The following CD9 variants were observed in gnomAD, a reference collection of about 807,000 sequenced individuals.
CD9 encodes the protein CD9 molecule.
CD9 carries 10 observed loss-of-function variants against 31.4 expected under a neutral mutation model. The observed-to-expected ratio is 0.32, with a 90% CI of 0.20 to 0.54. The LOEUF is 0.54. Among genes scored for constraint, CD9 ranks in the 20% least tolerant of loss-of-function variants. CD9 has a pLI of 0.94. For synonymous variants in CD9, 113 were observed against 114.1 expected (o/e 0.99, Z 0.06); for missense variants, 259 against 300.1 (o/e 0.86, Z 1.01).
rs181724151 is a variant in CD9 at position 6,232,296 on chromosome 12, G to A, written c.176-336G>A. ...TTCATCTTGCTGGAAAGAGCTGACA[G>A]ACTGGACCAGTTTGCATTCCGAATG... On this transcript the variant is annotated intron_variant, in intron 2 of 7. Coordinates refer to ENST00000009180, the MANE Select transcript of CD9 (RefSeq NM_001769.4). The surrounding 1 kb of genome is among the most constrained non-coding windows in gnomAD (Gnocchi z 4.8). The A allele has an allele frequency of 1.8e-4, 73 of 396,650 alleles. No individual in the cohort carries two copies. Among genetic ancestry groups the A allele is most frequent in the African/African-American group, 1.4e-3 (70 of 48,482 alleles). 24.6% of individuals were successfully genotyped at this position (396,650 alleles called of 1,614,324 possible). A position where few individuals can be genotyped will look rare whatever the true frequency, so the allele number is the denominator to read the frequency against.
At chr12:6,235,152 A>G (rs1203096525) in intron 4 of CD9, 77 bp from the exon 5 acceptor site, 6 of 1,058,508 alleles carry the variant, frequency 5.7e-6, no homozygotes, top group Non-Finnish European at 7.2e-6. Context: ...AGAGAACAAG[A>G]TGGAACGCAT....
At position 6,235,503 on chromosome 12, in the gene CD9, G is replaced by T; in HGVS notation, c.475G>T (p.Val159Leu). Residue 159 changes from valine (V) to leucine (L), a missense_variant, in exon 6 of 8, where the codon GTG (valine) becomes TTG (leucine). Coordinates refer to ENST00000009180, the MANE Select transcript of CD9 (RefSeq NM_001769.4). ...GAACTGCTGTGGTTTGGCTGGGGGCGTGGAACAGTTTATCTCAGACATCTG... is the reference window on the plus strand; with the variant it reads ...GAACTGCTGTGGTTTGGCTGGGGGCTTGGAACAGTTTATCTCAGACATCTG... ...ALNCCGLAGG[V>L]EQFISDICPK... is the part of the protein sequence containing the mutation. The T allele has an allele frequency of 6.2e-7, 1 of 1,614,006 alleles. No homozygotes were observed. Among genetic ancestry groups the T allele is most frequent in the South Asian group, 1.1e-5 (1 of 91,082 alleles).
At position 6,236,221 on chromosome 12, in the gene CD9, C is replaced by T. The variant is rs767046868; in HGVS notation, c.567C>T (p.Phe189=). Residue 189 remains phenylalanine (F), a synonymous_variant, in exon 7 of 8, where the codon TTC becomes TTT. Coordinates refer to ENST00000009180, the MANE Select transcript of CD9 (RefSeq NM_001769.4). The stretch of plus-strand genomic sequence containing the variant: ...GTCCTGATGCCATCAAAGAGGTCTT[C>T]GACAATAAATTCCACATCATCGGCG... ...KSCPDAIKEV[F]DNKFHIIGAV... 11 of 1,614,060 alleles carry T rather than the reference C, an allele frequency of 6.8e-6. No homozygotes were observed. The highest frequency in any genetic ancestry group is 6.7e-5 in the African/African-American group (5 of 74,932).
intron 7 of CD9, chr12:6,236,507 A>G (rs549517010): frequency 7.2e-5 from 41 of 570,006 alleles, no homozygotes; most frequent in Admixed American, 3.9e-4. Flanking sequence ...GCTTCTAAAG[A>G]GTCGACTCTC....
rs368681680 is a variant in CD9 at position 6,200,462 on chromosome 12, C to G, written c.-38C>G. ...GTCCCAGCTGCGCGCGCCCCCCAGT[C>G]CCGCACCCGTTCGGCCCAGGCTAAG... On this transcript the variant is annotated 5_prime_UTR_variant, in exon 1 of 8. Transcript: ENST00000009180. 45 of 1,505,394 alleles carry G rather than the reference C, an allele frequency of 3.0e-5. No homozygotes were observed. The African/African-American group carries it at 5.9e-4, about 20-fold the overall frequency. The allele number at this position is 1,505,394 out of a possible 1,614,324, so 93.3% of individuals were successfully genotyped here. A position where few individuals can be genotyped will look rare whatever the true frequency, so the allele number is the denominator to read the frequency against.
intron 1 of CD9, among the ~76,000 whole-genome samples, chr12:6,224,745 C>A (rs1946340471): frequency 6.6e-6 from 1 of 152,132 alleles, no homozygotes; most frequent in African/African-American, 2.4e-5. Context: ...TGGCAGGAGG[C>A]CTCCTGCACA....
Position 6,232,991 on chromosome 12 carries a change from T to TC in CD9, c.273+265dup. 1.4e-6 allele frequency: 1 copy of TC among 702,438 alleles called. No homozygotes were observed. The highest frequency in any genetic ancestry group is 2.7e-5 in the East Asian group (1 of 37,292). 43.5% of individuals were successfully genotyped at this position (702,438 alleles called of 1,614,324 possible). ...TCTCGAGGACCACGTTTGCTTTTTT[T>TC]CCCTGAATCCACAGGTACCTTTGCC... On this transcript the variant is annotated intron_variant, in intron 3 of 7. Coordinates refer to ENST00000009180, the MANE Select transcript of CD9 (RefSeq NM_001769.4). The surrounding 1 kb of genome is among the most constrained non-coding windows in gnomAD (Gnocchi z 4.8).
intron 1 of CD9, 107 bp from the exon 2 acceptor site, chr12:6,225,319 G>T: frequency 1.3e-6 from 1 of 747,954 alleles, no homozygotes; most frequent in South Asian, 1.5e-5. Context: ...GAGGGGCAGA[G>T]ACCAAGGGTG....
chr12:6,207,650 A>G (rs1266301700), intron 1 of CD9, among the ~76,000 whole-genome samples: 1 of 152,186 alleles, frequency 6.6e-6, no homozygotes, highest in Non-Finnish European at 1.5e-5. Context: ...GAGGACTTGC[A>G]GAAAGGAGGA....
chr12:6,203,677 C>T (rs1291876492), intron 1 of CD9, among the ~76,000 whole-genome samples: 1 of 152,182 alleles, frequency 6.6e-6, no homozygotes, highest in Non-Finnish European at 1.5e-5. Context: ...ACATTTCCTT[C>T]AGACCTCCCT....
chr12:6,218,862 C>T (rs1946266317), intron 1 of CD9, among the ~76,000 whole-genome samples: 1 of 152,098 alleles, frequency 6.6e-6, no homozygotes, highest in Non-Finnish European at 1.5e-5. Flanking sequence ...GTTCTCATGT[C>T]TCCTGAGGCT....
At chr12:6,231,604 T>A (rs1337224542) in intron 2 of CD9, among the ~76,000 whole-genome samples, 1 of 152,190 alleles carries the variant, frequency 6.6e-6, no homozygotes, top group East Asian at 1.9e-4. Context: ...ATTCCTTTGG[T>A]GGGTTGTGGA....
intron 1 of CD9, chr12:6,200,807 G>C (rs1004436101): frequency 2.3e-6 from 1 of 435,474 alleles, no homozygotes; most frequent in African/African-American, 2.1e-5. Context: ...GTGGGGAGCC[G>C]GGCCCTCTTG....
At chr12:6,212,876 G>A (rs1038475293) in intron 1 of CD9, among the ~76,000 whole-genome samples, 3 of 152,096 alleles carry the variant, frequency 2.0e-5, no homozygotes, top group Non-Finnish European at 2.9e-5. Flanking sequence ...CTGCCCTTAT[G>A]GTATAAAAGA....
upstream of CD9, chr12:6,200,385 C>A: frequency 3.0e-6 from 2 of 669,906 alleles, no homozygotes; most frequent in Non-Finnish European, 5.5e-6. Flanking sequence ...AAAGTGCAGC[C>A]GGAGACCAGC....
rs1014564404 is a variant in CD9 at position 6,200,575 on chromosome 12, C to T, written c.66+10C>T. On this transcript the variant is annotated intron_variant, in intron 1 of 7. Transcript: ENST00000009180. ...TAACTTCATCTTCTGGGTGAGTGAG[C>T]GCGACTGCCGCGCGCTCCTCTCAGG... 2 of 1,590,470 alleles carry T rather than the reference C, an allele frequency of 1.3e-6. No individual in the cohort carries two copies. The highest frequency in any genetic ancestry group is 4.5e-5 in the East Asian group (2 of 44,594).
chr12:6,221,107 TC>T (rs931208260), intron 1 of CD9, among the ~76,000 whole-genome samples: 3 of 152,198 alleles, frequency 2.0e-5, no homozygotes, highest in African/African-American at 7.2e-5. Context: ...CTCATGTTTT[TC>T]TCAGGGCCTA....
chr12:6,225,120 A>G, intron 1 of CD9: 1 of 330,730 alleles, frequency 3.0e-6, no homozygotes, highest in South Asian at 6.8e-5. Context: ...TGTGAGATGC[A>G]CTCATGGTGT....
chr12:6,221,290 C>A (rs1946289064), intron 1 of CD9, among the ~76,000 whole-genome samples: 2 of 152,212 alleles, frequency 1.3e-5, no homozygotes, highest in African/African-American at 4.8e-5. Context: ...AAAGAGGAAA[C>A]CATGGGCAGG....
Sources: allele counts gnomAD v4.1 joint callset (sites outside exome capture counted in the v4.1 genomes callset), GRCh38; gene constraint gnomAD v4.1.1; non-coding constraint Gnocchi (gnomAD v3.1); transcripts MANE v1.5; gene names NCBI Gene and HGNC (gene_info 2026-07-23, HGNC 2026-07-21).